SPTBN1: variants seen among roughly 807,000 people sequenced by gnomAD.
SPTBN1 encodes spectrin beta, non-erythrocytic 1.
SPTBN1 carries 32 observed loss-of-function variants against 266.4 expected under a neutral mutation model. The ratio of observed to expected loss-of-function variants is 0.12; its 90% CI spans 0.09 to 0.16. The LOEUF (loss-of-function observed/expected upper bound fraction) is 0.16. Ranked by LOEUF, SPTBN1 falls within the 10% of genes least tolerant of loss-of-function variation. The pLI, the probability that SPTBN1 is intolerant of heterozygous loss-of-function variation, is 1.00. For synonymous variants in SPTBN1, 1,336 were observed against 1,162.2 expected, an observed-to-expected ratio of 1.15 and a Z score of -3.04; for missense variants, 2,296 against 3,067.1, an observed-to-expected ratio of 0.75 and a Z score of 5.94.
intron 1 of SPTBN1, among the ~76,000 whole-genome samples, chr2:54,461,827 G>A (rs983873233): frequency 6.6e-6 from 1 of 152,076 alleles, no homozygotes; most frequent in Non-Finnish European, 1.5e-5. Flanking sequence ...CATGTCTTGC[G>A]ACAATTACTT....
At chr2:54,481,249 T>C (rs1351395528) in intron 1 of SPTBN1, among the ~76,000 whole-genome samples, 2 of 151,968 alleles carry the variant, frequency 1.3e-5, no homozygotes, top group Non-Finnish European at 2.9e-5. Flanking sequence ...TCTCTTGCTG[T>C]TTTTGATTTT....
intron 32 of SPTBN1, chr2:54,663,587 G>A (rs1382618889): frequency 2.0e-5 from 3 of 152,250 alleles, no homozygotes; most frequent in East Asian, 1.9e-4. Flanking sequence ...GGTCAGAGCC[G>A]CTGGAAGCCT....
At chr2:54,623,682 G>C in intron 10 of SPTBN1, 86 bp downstream of exon 10, 2 of 1,092,378 alleles carry the variant, frequency 1.8e-6, no homozygotes, top group Non-Finnish European at 2.7e-6. Flanking sequence ...AAGAGGACAA[G>C]AGACTGGAAG....
intron 2 of SPTBN1, among the ~76,000 whole-genome samples, chr2:54,587,786 G>T (rs573304828): frequency 3.9e-5 from 6 of 152,136 alleles, no homozygotes; most frequent in African/African-American, 1.4e-4. Context: ...TGCCAAATGG[G>T]GTGGCACACT....
intron 4 of SPTBN1, among the ~76,000 whole-genome samples, chr2:54,612,644 C>G (rs1677297656): frequency 6.6e-6 from 1 of 152,206 alleles, no homozygotes; most frequent in East Asian, 1.9e-4. Context: ...CTCTAAACAT[C>G]TGGTCTCTGC....
chr2:54,552,746 C>T (rs1165850948), intron 2 of SPTBN1, among the ~76,000 whole-genome samples: 1 of 152,036 alleles, frequency 6.6e-6, no homozygotes, highest in Non-Finnish European at 1.5e-5. Context: ...TGAGCCACCA[C>T]ACCTGGCCCC....
intron 2 of SPTBN1, among the ~76,000 whole-genome samples, chr2:54,578,906 C>G (rs750028887): frequency 6.6e-6 from 1 of 151,972 alleles, no homozygotes; most frequent in Non-Finnish European, 1.5e-5. Context: ...CCCTCTCTGT[C>G]CAGGAGAAAT....
At chr2:54,650,400 CT>C (rs1220933900) in intron 26 of SPTBN1, among the ~76,000 whole-genome samples, 2 of 152,172 alleles carry the variant, frequency 1.3e-5, no homozygotes, top group African/African-American at 4.8e-5. Flanking sequence ...TTTATCATGC[CT>C]CGTCCCCAGT....
chr2:54,478,121 T>G lies in SPTBN1; in HGVS notation c.-48+21603T>G, dbSNP rs559244134. Among the ~76,000 whole-genome samples the G allele has an allele frequency of 2.2e-4, 34 of 152,284 alleles. No individual in the cohort carries two copies. The South Asian group carries it at 6.8e-3, about 31-fold the overall frequency. On this transcript the variant is annotated intron_variant, in intron 1 of 35. Transcript: ENST00000356805. ...TGAGGCTGACAGGAATCAGGCTTAA[T>G]GTATCCAGGGATATGACAAACATGG...
intron 1 of SPTBN1, among the ~76,000 whole-genome samples, chr2:54,483,219 A>T (rs900794038): frequency 2.0e-5 from 3 of 152,148 alleles, no homozygotes; most frequent in Non-Finnish European, 4.4e-5. Flanking sequence ...GTGTGTGGGA[A>T]ACAAGGACAG....
intron 2 of SPTBN1, among the ~76,000 whole-genome samples, chr2:54,559,709 A>T (rs564648506): frequency 2.0e-5 from 3 of 152,288 alleles, no homozygotes; most frequent in African/African-American, 7.2e-5. Context: ...AAAGGTTCCT[A>T]ACTGAAAACA....
intron 19 of SPTBN1, 35 bp from the exon 20 acceptor site, chr2:54,644,288 T>A: frequency 1.9e-6 from 3 of 1,583,056 alleles, no homozygotes; most frequent in Non-Finnish European, 2.6e-6. Context: ...GTAGCAAACT[T>A]GTTTATTTAC....
chr2:54,667,062 C>CA (rs1376168968), intron 34 of SPTBN1, among the ~76,000 whole-genome samples: 3 of 152,214 alleles, frequency 2.0e-5, no homozygotes, highest in Admixed American at 6.5e-5. Context: ...TCTCCGCAGC[C>CA]ACAGAGTGAA....
chr2:54,510,817 TC>T (rs1288138374), intron 1 of SPTBN1, among the ~76,000 whole-genome samples: 1 of 152,130 alleles, frequency 6.6e-6, no homozygotes, highest in East Asian at 1.9e-4. Flanking sequence ...CTAAGTTTTT[TC>T]CCCCTACTGG....
At chr2:54,512,320 A>T (rs185948893) in intron 1 of SPTBN1, among the ~76,000 whole-genome samples, 1 of 152,152 alleles carries the variant, frequency 6.6e-6, no homozygotes, top group Admixed American at 6.5e-5. Context: ...CATTTTGTTT[A>T]TTTGAAAGGT....
chr2:54,594,419 C>G (rs147369645), intron 2 of SPTBN1, among the ~76,000 whole-genome samples: 15 of 152,202 alleles, frequency 9.9e-5, no homozygotes, highest in African/African-American at 3.4e-4. Context: ...TATGAATAAT[C>G]TAGAGATGAT....
At chr2:54,623,938 A>C (rs78047435) in intron 10 of SPTBN1, among the ~76,000 whole-genome samples, 1 of 152,210 alleles carries the variant, frequency 6.6e-6, no homozygotes, top group Non-Finnish European at 1.5e-5. Context: ...ACCTTATTTC[A>C]TGTGTTTCAT....
rs1220647099 is a variant in SPTBN1, at chr2:54,669,038, A to T, written c.*469A>T. Reference sequence around the variant, plus strand: ...AGTGCCCGAGATGGGGCTAACCTTTATTAAACAGATCGCATATTATGATCT... The same window carrying T: ...AGTGCCCGAGATGGGGCTAACCTTTTTTAAACAGATCGCATATTATGATCT... On this transcript the variant is annotated 3_prime_UTR_variant, in exon 36 of 36. Transcript: ENST00000356805. 1.7e-5 allele frequency: 3 copies of T among 179,334 alleles called. No individual in the cohort carries two copies. Among genetic ancestry groups the T allele is most frequent in the African/African-American group, 7.2e-5 (3 of 41,696 alleles). The allele number at this position is 179,334 out of a possible 1,614,324, so 11.1% of individuals were successfully genotyped here.
rs764865419 is a variant in SPTBN1, at chr2:54,628,909, C to CGT, written c.1799-23_1799-22dup. 9.0e-6 allele frequency: 14 copies of CGT among 1,557,672 alleles called. No individual in the cohort carries two copies. Among genetic ancestry groups the CGT allele is most frequent in the Non-Finnish European group, 1.1e-5 (13 of 1,152,298 alleles). Reference sequence around the variant, plus strand: ...CATGCTGAGCTCCCTCACACAGCCACGTTCCTTCCTTGATGTTAAACAGGT... The same window carrying CGT: ...CATGCTGAGCTCCCTCACACAGCCACGTGTTCCTTCCTTGATGTTAAACAGGT... On this transcript the variant is annotated intron_variant, in intron 13 of 35. Coordinates refer to ENST00000356805, the MANE Select transcript of SPTBN1 (RefSeq NM_003128.3). This position sits in a 1 kb window ranked among gnomAD's most constrained non-coding sequence, Gnocchi z 4.3.
Sources: allele counts gnomAD v4.1 joint callset (sites outside exome capture counted in the v4.1 genomes callset), GRCh38; gene constraint gnomAD v4.1.1; non-coding constraint Gnocchi (gnomAD v3.1); transcripts MANE v1.5; gene names NCBI Gene and HGNC (gene_info 2026-07-23, HGNC 2026-07-21).